TSSK4: variants seen among roughly 807,000 people sequenced by gnomAD.
The protein encoded by TSSK4 is testis-specific serine/threonine-protein kinase 4.
Under a neutral mutation model 28.5 loss-of-function variants are expected in TSSK4, and 22 were observed. The ratio of observed to expected loss-of-function variants is 0.77; its 90% CI spans 0.55 to 1.10. TSSK4 has a LOEUF of 1.10. Among genes scored for constraint, TSSK4 ranks in the 50% least tolerant of loss-of-function variants. The probability of loss-of-function intolerance (pLI) is 0.00; values close to 1 mark genes in which losing one functional copy is unlikely to be tolerated. For synonymous variants in TSSK4, 151 were observed against 158.3 expected, an observed-to-expected ratio of 0.95 and a Z score of 0.35; for missense variants, 329 against 415.4, an observed-to-expected ratio of 0.79 and a Z score of 1.81.
rs1195780645 is a variant in TSSK4, at chr14:24,208,205, C to CT, written c.*65dup. 1.3e-6 allele frequency: 2 copies of CT among 1,492,628 alleles called. No homozygotes were observed. The highest frequency in any genetic ancestry group is 1.8e-6 in the Non-Finnish European group (2 of 1,119,674). The allele number at this position is 1,492,628 out of a possible 1,614,324, so 92.5% of individuals were successfully genotyped here. On this transcript the variant is annotated 3_prime_UTR_variant, in exon 4 of 4. Transcript: ENST00000339917. ...AAGCAGGAGGTCTTGGGCTAAAAATCTTTTTTACCAAAAATAAATCTAAGT... is the reference window on the plus strand; with the variant it reads ...AAGCAGGAGGTCTTGGGCTAAAAATCTTTTTTTACCAAAAATAAATCTAAGT...
Position 24,206,127 on chromosome 14 carries a change from G to T in TSSK4, c.204G>T (p.Lys68Asn). The change falls in exon 1 of 4, where the codon AAG becomes AAT. Residue 68 changes from lysine to asparagine, a missense_variant. Physicochemically the swap from Lys to Asn is moderately conservative, Grantham distance 94 (BLOSUM62 0). Coordinates refer to ENST00000339917, the MANE Select transcript of TSSK4 (RefSeq NM_001184739.2). The part of the protein sequence containing the change: ...KKKASDDYLN[K>N]FLPREIQVMK... ...AGGCCTCTGATGACTATCTTAACAA[G>T]TTCCTGCCCCGTGAAATACAGGTTG... 6.2e-7 allele frequency: 1 copy of T among 1,614,154 alleles called. No individual in the cohort carries two copies. The highest frequency in any genetic ancestry group is 8.5e-7 in the Non-Finnish European group (1 of 1,180,034).
At chr14:24,206,383 T>G in intron 1 of TSSK4, 126 bp from the exon 2 acceptor site, 1 of 1,077,930 alleles carries the variant, frequency 9.3e-7, no homozygotes, top group Non-Finnish European at 1.4e-6. Context: ...AGGCCACCAG[T>G]TCTCTGGGGT....
rs1215879805 is a variant in TSSK4 at position 24,206,231 on chromosome 14, G to A, written c.225+83G>A. 9 of 1,354,922 alleles carry A rather than the reference G, an allele frequency of 6.6e-6. No individual in the cohort carries two copies. In the South Asian group the frequency reaches 9.7e-5, roughly 15 times the overall value. The allele number at this position is 1,354,922 out of a possible 1,614,324, so 83.9% of individuals were successfully genotyped here. ...CTCAGAAGGGGTATGGCCAGGAGGGGTGGGGCCAGAAACCCCTAAACCAGA... is the reference window on the plus strand; with the variant it reads ...CTCAGAAGGGGTATGGCCAGGAGGGATGGGGCCAGAAACCCCTAAACCAGA... On this transcript the variant is annotated intron_variant, in intron 1 of 3. Transcript: ENST00000339917.
In TSSK4 at chr14:24,206,511, A is replaced by C. The variant is rs1460918686; in HGVS notation, c.228A>C (p.Val76=). ...LNKFLPREIQ[V]MKVLRHKYLI... ...ATGGGTCCTTCTTCTGGGGTCAGGT[A>C]ATGAAAGTCTTGCGGCACAAGTACC... Residue 76 remains valine, a splice_region_variant and synonymous_variant, in exon 2 of 4, where the codon GTA becomes GTC. Transcript: ENST00000339917. 1 of 1,614,028 alleles carries C rather than the reference A, an allele frequency of 6.2e-7. No individual in the cohort carries two copies. The highest frequency in any genetic ancestry group is 1.3e-5 in the African/African-American group (1 of 74,906).
intron 3 of TSSK4, 181 bp from the exon 4 acceptor site, chr14:24,207,783 C>A: frequency 8.2e-7 from 1 of 1,223,404 alleles, no homozygotes; most frequent in Non-Finnish European, 1.2e-6. Flanking sequence ...TCCCAAGGAA[C>A]TCTTCCCTTC....
chr14:24,206,192 G>T, intron 1 of TSSK4, 44 bp downstream of exon 1: 1 of 1,589,084 alleles, frequency 6.3e-7, no homozygotes. Context: ...TTGGTACTAA[G>T]CTGCTTGAGG....
In TSSK4 at chr14:24,206,558, T is replaced by C. The variant is rs761439547; in HGVS notation, c.275T>C (p.Ile92Thr). 11 of 1,614,120 alleles carry C rather than the reference T, an allele frequency of 6.8e-6. No homozygotes were observed. Among genetic ancestry groups the C allele is most frequent in the Admixed American group, 3.3e-5 (2 of 60,002 alleles). Residue 92 changes from isoleucine (I) to threonine (T), a missense_variant, in exon 2 of 4, where the codon ATT becomes ACT. By Grantham distance (89) the Ile-to-Thr change is moderately conservative. Around this residue, in one of 3 missense-constraint regions of TSSK4, gnomAD observed 175 missense variants for 196.0 expected, o/e 0.89. Coordinates refer to ENST00000339917, the MANE Select transcript of TSSK4 (RefSeq NM_001184739.2). Reference protein sequence around the residue: ...HKYLINFYRAIESTSRVYIIL... With the variant: ...HKYLINFYRATESTSRVYIIL... ...TACCTCATCAACTTCTATCGGGCCA[T>C]TGAGAGCACATCTCGAGTATACATC...
intron 2 of TSSK4, 114 bp from the exon 3 acceptor site, chr14:24,207,002 C>T (rs1275496159): frequency 2.1e-6 from 3 of 1,424,932 alleles, no homozygotes; most frequent in Non-Finnish European, 2.9e-6. Context: ...GCTTTCCTTC[C>T]TCTCTACCTT....
In TSSK4 at chr14:24,206,108, C is replaced by G; in HGVS notation, c.185C>G (p.Ser62Cys). 6.2e-7 allele frequency: 1 copy of G among 1,614,070 alleles called. No homozygotes were observed. The highest frequency in any genetic ancestry group is 8.5e-7 in the Non-Finnish European group (1 of 1,180,022). Reference sequence around the variant, plus strand: ...AAGATCATCTCAAAGAAGAAGGCCTCTGATGACTATCTTAACAAGTTCCTG... The same window carrying G: ...AAGATCATCTCAAAGAAGAAGGCCTGTGATGACTATCTTAACAAGTTCCTG... ...AVKIISKKKA[S>C]DDYLNKFLPR... is the part of the protein sequence containing the mutation. The change falls in exon 1 of 4, where the codon TCT becomes TGT. Residue 62 changes from serine (S) to cysteine (C), a missense_variant. Ser to Cys is a moderately radical substitution (Grantham distance 112). Around this residue, in one of 3 missense-constraint regions of TSSK4, gnomAD observed 175 missense variants for 196.0 expected, o/e 0.89. Transcript: ENST00000339917.
chr14:24,205,981 A>G lies in TSSK4; in HGVS notation c.58A>G (p.Met20Val). ...AACCACCACAGCCTACCATTCCCTC[A>G]TGGATGAATATGGTTATGAGGTGGG... is the stretch of plus-strand genomic sequence containing the variant. ...APTTTAYHSL[M>V]DEYGYEVGKA... is the part of the protein sequence containing the mutation. The change falls in exon 1 of 4, where the codon ATG becomes GTG. Residue 20 changes from methionine (M) to valine (V), a missense_variant. Around this residue, in one of 3 missense-constraint regions of TSSK4, gnomAD observed 175 missense variants for 196.0 expected, o/e 0.89. Coordinates refer to ENST00000339917, the MANE Select transcript of TSSK4 (RefSeq NM_001184739.2). The G allele has an allele frequency of 6.2e-7, 1 of 1,614,208 alleles. No individual in the cohort carries two copies. Among genetic ancestry groups the G allele is most frequent in the Non-Finnish European group, 8.5e-7 (1 of 1,180,034 alleles).
chr14:24,205,831 T>C lies in TSSK4; in HGVS notation c.-93T>C, dbSNP rs2039506730. On this transcript the variant is annotated 5_prime_UTR_variant, in exon 1 of 4. Transcript: ENST00000339917. ...CAAGCATTTGGGGACCTACTTCACTTTGATACCCTAGCCTTCAGCAGCTCA... is the reference window on the plus strand; with the variant it reads ...CAAGCATTTGGGGACCTACTTCACTCTGATACCCTAGCCTTCAGCAGCTCA... The C allele has an allele frequency of 1.0e-6, 1 of 966,172 alleles. No homozygotes were observed. The highest frequency in any genetic ancestry group is 2.0e-5 in the Admixed American group (1 of 51,172). 59.8% of individuals were successfully genotyped at this position (966,172 alleles called of 1,614,324 possible).
chr14:24,207,605 T>G, intron 3 of TSSK4, 96 bp downstream of exon 3: 1 of 1,395,984 alleles, frequency 7.2e-7, no homozygotes. Context: ...CTCCCAACCC[T>G]GGGGAAAGGC....
At position 24,205,957 on chromosome 14, in the gene TSSK4, A is replaced by G; in HGVS notation, c.34A>G (p.Thr12Ala). 1.2e-6 allele frequency: 2 copies of G among 1,614,150 alleles called. No homozygotes were observed. The highest frequency in any genetic ancestry group is 1.7e-6 in the Non-Finnish European group (2 of 1,180,046). Residue 12 changes from threonine (T) to alanine (A), a missense_variant, in exon 1 of 4, where the codon ACC becomes GCC. Thr to Ala is a moderately conservative substitution (Grantham distance 58, BLOSUM62 0). Transcript: ENST00000339917. ...GKGDVLEAAP[T>A]TTAYHSLMDE... ...GGGAGATGTCTTAGAGGCAGCACCA[A>G]CCACCACAGCCTACCATTCCCTCAT...
rs765886696 is a variant in TSSK4, at chr14:24,206,156, AG to A, written c.225+13del. 2.0e-5 allele frequency: 33 copies of A among 1,613,416 alleles called. No homozygotes were observed. In the East Asian group the frequency reaches 6.9e-4, roughly 34 times the overall value. On this transcript the variant is annotated intron_variant, in intron 1 of 3. Transcript: ENST00000339917. ...CTGCCCCGTGAAATACAGGTTGGAA[AG>A]GGGGCTGGAAGAGGGAACTGGAGCT...
Position 24,206,619 on chromosome 14 carries a change from A to G in TSSK4, c.336A>G (p.Glu112=), listed in dbSNP as rs762917750. The G allele has an allele frequency of 8.1e-6, 13 of 1,614,066 alleles. No individual in the cohort carries two copies. Among genetic ancestry groups the G allele is most frequent in the African/African-American group, 1.3e-5 (1 of 74,906 alleles). The change falls in exon 2 of 4, where the codon GAA becomes GAG. Residue 112 remains glutamate, a synonymous_variant. Coordinates refer to ENST00000339917, the MANE Select transcript of TSSK4 (RefSeq NM_001184739.2). ...TGGCTCAGGGTGGTGATGTCCTTGAATGGATCCAGCGCTACGGGGCCTGCT... is the reference window on the plus strand; with the variant it reads ...TGGCTCAGGGTGGTGATGTCCTTGAGTGGATCCAGCGCTACGGGGCCTGCT... ...LELAQGGDVL[E]WIQRYGACSE... is the part of the protein sequence containing the mutation.
rs760754644 is a variant in TSSK4 at position 24,206,634 on chromosome 14, C to T, written c.351C>T (p.Tyr117=). Residue 117 remains tyrosine (Y), a synonymous_variant, in exon 2 of 4, where the codon TAC becomes TAT. Coordinates refer to ENST00000339917, the MANE Select transcript of TSSK4 (RefSeq NM_001184739.2). ...ATGTCCTTGAATGGATCCAGCGCTA[C>T]GGGGCCTGCTCTGAGCCCCTTGCTG... ...GGDVLEWIQR[Y]GACSEPLAGK... 3.0e-5 allele frequency: 49 copies of T among 1,614,100 alleles called. No individual in the cohort carries two copies. In the African/African-American group the frequency reaches 3.6e-4, roughly 12 times the overall value.
At chr14:24,206,834 C>T in intron 2 of TSSK4, 111 bp downstream of exon 2, 2 of 1,163,118 alleles carry the variant, frequency 1.7e-6, no homozygotes, top group Admixed American at 2.1e-5. Context: ...AATATCTAGC[C>T]TATTCATGCA....
rs1326663203 is a variant in TSSK4, at chr14:24,208,007, C to T, written c.878C>T (p.Thr293Ile). 3 of 1,614,244 alleles carry T rather than the reference C, an allele frequency of 1.9e-6. No homozygotes were observed. The highest frequency in any genetic ancestry group is 2.5e-6 in the Non-Finnish European group (3 of 1,180,050). The part of the protein sequence containing the change: ...QMLRQATKRA[T>I]ILDIIKDSWV... The stretch of plus-strand genomic sequence containing the variant: ...CTACGCCAAGCCACTAAGCGTGCCA[C>T]CATTCTGGACATCATCAAGGATTCC... Residue 293 changes from threonine to isoleucine, a missense_variant, in exon 4 of 4, where the codon ACC becomes ATC. Transcript: ENST00000339917.
chr14:24,207,198 T>G lies in TSSK4; in HGVS notation c.523T>G (p.Ser175Ala). ...GGACAAGTGGGAGAATGTGAAGATA[T>G]CAGACTTTGGCTTTGCCAAGATGGT... ...LLDKWENVKI[S>A]DFGFAKMVPS... The change falls in exon 3 of 4, where the codon TCA becomes GCA. Residue 175 changes from serine (S) to alanine (A), a missense_variant. Ser to Ala is a moderately conservative substitution (Grantham distance 99, BLOSUM62 1). This residue lies in a region of TSSK4 where 15 missense variants were observed against 41.2 expected (regional missense o/e 0.36). Coordinates refer to ENST00000339917, the MANE Select transcript of TSSK4 (RefSeq NM_001184739.2). The G allele has an allele frequency of 6.2e-7, 1 of 1,614,124 alleles. No individual in the cohort carries two copies. Among genetic ancestry groups the G allele is most frequent in the Non-Finnish European group, 8.5e-7 (1 of 1,180,036 alleles).
Sources: gnomAD v4.1 joint callset for allele counts on GRCh38, gnomAD v4.1.1 for gene constraint, gnomAD v4.1.1 regional missense constraint, MANE v1.5 for transcripts, NCBI Gene and HGNC (gene_info 2026-07-23, HGNC 2026-07-21) for gene names.